The following CDK5RAP2 variants were observed in gnomAD, a reference collection of about 807,000 sequenced individuals.
CDK5RAP2 encodes CDK5 regulatory subunit-associated protein 2.
CDK5RAP2 carries 147 observed loss-of-function variants against 232.9 expected under a neutral mutation model. The observed-to-expected ratio is 0.63, with a 90% CI of 0.55 to 0.72. The LOEUF (loss-of-function observed/expected upper bound fraction) is 0.72. Among genes scored for constraint, CDK5RAP2 ranks in the 30% least tolerant of loss-of-function variants. The probability of loss-of-function intolerance (pLI) is 0.00; values close to 1 mark genes in which losing one functional copy is unlikely to be tolerated. For synonymous variants in CDK5RAP2, 833 were observed against 833.7 expected (o/e 1.00, Z 0.01); for missense variants, 2,195 against 2,231.5 (o/e 0.98, Z 0.33).
intron 1 of CDK5RAP2, among the ~76,000 whole-genome samples, chr9:120,575,672 TA>T (rs898542432): frequency 6.6e-6 from 1 of 152,112 alleles, no homozygotes; most frequent in Non-Finnish European, 1.5e-5. Flanking sequence ...TACATAAATT[TA>T]AAAAAATACA....
chr9:120,552,401 C>T (rs1341796706), intron 3 of CDK5RAP2, among the ~76,000 whole-genome samples: 3 of 152,042 alleles, frequency 2.0e-5, no homozygotes, highest in African/African-American at 7.3e-5. Flanking sequence ...CACGTATGTT[C>T]ACTGCAGCAC....
At chr9:120,418,047 C>T (rs1374698063) in intron 27 of CDK5RAP2, among the ~76,000 whole-genome samples, 1 of 152,158 alleles carries the variant, frequency 6.6e-6, no homozygotes, top group African/African-American at 2.4e-5. Flanking sequence ...AAGCTTAGGA[C>T]AGAACGTTAA....
At chr9:120,529,546 T>C (rs1424686982) in intron 8 of CDK5RAP2, among the ~76,000 whole-genome samples, 3 of 152,222 alleles carry the variant, frequency 2.0e-5, no homozygotes, top group African/African-American at 7.2e-5. Flanking sequence ...ACCCCTCCCA[T>C]ACTGCTAAGC....
At chr9:120,471,681 C>G in intron 16 of CDK5RAP2, 67 bp downstream of exon 16, 1 of 1,609,220 alleles carries the variant, frequency 6.2e-7, no homozygotes, top group South Asian at 1.1e-5. Flanking sequence ...TTAGGACTCT[C>G]CTGAAGTTCA....
At chr9:120,559,488 CAAAAA>C (rs558274119) in intron 3 of CDK5RAP2, among the ~76,000 whole-genome samples, 1 of 48,880 alleles carries the variant, frequency 2.0e-5, no homozygotes. Context: ...GACTCTGTCT[CAAAAA>C]AAAAAAAAAA....
At chr9:120,431,439 T>C (rs1288746672) in intron 25 of CDK5RAP2, among the ~76,000 whole-genome samples, 1 of 152,242 alleles carries the variant, frequency 6.6e-6, no homozygotes, top group East Asian at 1.9e-4. Flanking sequence ...CGTTCCTCAC[T>C]TGTTAATAAA....
rs546494848 is a variant in CDK5RAP2, at chr9:120,422,879, T to A, written c.3956-138A>T. The A allele has an allele frequency of 2.4e-5, 17 of 709,808 alleles. No homozygotes were observed. In the East Asian group the frequency reaches 4.3e-4, roughly 18 times the overall value. 44.0% of individuals were successfully genotyped at this position (709,808 alleles called of 1,614,324 possible). A position where few individuals can be genotyped will look rare whatever the true frequency, so the allele number is the denominator to read the frequency against. On this transcript the variant is annotated intron_variant, in intron 25 of 37. Coordinates refer to ENST00000349780, the MANE Select transcript of CDK5RAP2 (RefSeq NM_018249.6). ...CTGTAACAATCCTGGATATTTAAAG[T>A]AGGATTACCAAGAGTACAATTCAGA...
chr9:120,532,705 C>G (rs1453221997), intron 7 of CDK5RAP2: 1 of 152,450 alleles, frequency 6.6e-6, no homozygotes, highest in Non-Finnish European at 1.5e-5. Flanking sequence ...CTGCACTGAT[C>G]TCTGGGAGTG....
chr9:120,536,550 G>T, intron 6 of CDK5RAP2, 24 bp from the exon 7 acceptor site: 1 of 1,611,164 alleles, frequency 6.2e-7, no homozygotes, highest in South Asian at 1.1e-5. Context: ...AAATGCATTT[G>T]ATGCAATTTT....
intron 26 of CDK5RAP2, 22 bp downstream of exon 26, chr9:120,422,671 T>C (rs1411122737): frequency 6.3e-7 from 1 of 1,598,622 alleles, no homozygotes; most frequent in Non-Finnish European, 8.6e-7. Context: ...GGAAGTCTTC[T>C]TAACAAATGT....
chr9:120,498,953 C>G (rs1242491660), intron 12 of CDK5RAP2, among the ~76,000 whole-genome samples: 1 of 152,032 alleles, frequency 6.6e-6, no homozygotes, highest in Non-Finnish European at 1.5e-5. Context: ...CTAAGTTGTC[C>G]AAGTTTATCT....
intron 35 of CDK5RAP2, among the ~76,000 whole-genome samples, chr9:120,398,017 T>C (rs553390366): frequency 6.6e-6 from 1 of 152,214 alleles, no homozygotes; most frequent in Non-Finnish European, 1.5e-5. Flanking sequence ...TCTAGGCTCA[T>C]ACTGTACATC....
At chr9:120,512,472 C>T (rs1319250486) in intron 12 of CDK5RAP2, among the ~76,000 whole-genome samples, 1 of 152,148 alleles carries the variant, frequency 6.6e-6, no homozygotes, top group African/African-American at 2.4e-5. Flanking sequence ...TAAACCTCTG[C>T]AAGTATTTCT....
At chr9:120,530,747 T>G (rs1052428944) in intron 7 of CDK5RAP2, among the ~76,000 whole-genome samples, 2 of 150,376 alleles carry the variant, frequency 1.3e-5, no homozygotes, top group Non-Finnish European at 2.9e-5. Context: ...CTCAGCAAAC[T>G]ATCACAAGGA....
chr9:120,526,685 T>G (rs956629574), intron 10 of CDK5RAP2, among the ~76,000 whole-genome samples: 1 of 152,088 alleles, frequency 6.6e-6, no homozygotes, highest in African/African-American at 2.4e-5. Flanking sequence ...TCAGTGTCCT[T>G]AAGTGCCACT....
At chr9:120,407,889 G>A (rs914592) in intron 31 of CDK5RAP2, 204,580 of 254,970 alleles carry the variant, frequency 0.8, 82,515 homozygotes, top group East Asian at 0.87. Context: ...TGCTGAATGA[G>A]TGGGCAAAAA....
At chr9:120,450,367 G>A (rs1251745587) in intron 21 of CDK5RAP2, among the ~76,000 whole-genome samples, 1 of 152,152 alleles carries the variant, frequency 6.6e-6, no homozygotes, top group Middle Eastern at 3.2e-3. Flanking sequence ...CAAGTTCAGG[G>A]GAAATGGGAA....
At chr9:120,444,720 T>A (rs1289126173) in intron 22 of CDK5RAP2, among the ~76,000 whole-genome samples, 1 of 152,216 alleles carries the variant, frequency 6.6e-6, no homozygotes, top group Non-Finnish European at 1.5e-5. Context: ...AAGTATCACA[T>A]ACTAGGCTTT....
chr9:120,425,159 CCT>C (rs909695227), intron 25 of CDK5RAP2, among the ~76,000 whole-genome samples: 25 of 152,154 alleles, frequency 1.6e-4, no homozygotes, highest in Non-Finnish European at 3.2e-4. Context: ...CAGGATGTGC[CCT>C]GATGCCACCA....
Sources: gnomAD v4.1 joint callset for allele counts (sites outside exome capture counted in the v4.1 genomes callset) on GRCh38, gnomAD v4.1.1 for gene constraint, MANE v1.5 for transcripts, NCBI Gene and HGNC (gene_info 2026-07-23, HGNC 2026-07-21) for gene names.